HCN1: variants seen among roughly 807,000 people sequenced by gnomAD.
The protein encoded by HCN1 is potassium/sodium hyperpolarization-activated cyclic nucleotide-gated channel 1.
HCN1 carries 13 observed loss-of-function variants against 78.9 expected under a neutral mutation model. The ratio of observed to expected loss-of-function variants is 0.16; its 90% confidence interval spans 0.11 to 0.26. The LOEUF is 0.26. Ranked by LOEUF, HCN1 falls within the 10% of genes least tolerant of loss-of-function variation. The probability of loss-of-function intolerance (pLI) is 1.00; values close to 1 mark genes in which losing one functional copy is unlikely to be tolerated. For missense variants in HCN1, 810 were observed against 1,154.3 expected (o/e 0.70, Z 4.32); for synonymous variants, 552 against 455.5 (o/e 1.21, Z -2.70).
intron 4 of HCN1, among the ~76,000 whole-genome samples, chr5:45,377,006 G>C (rs756265452): frequency 1.2e-4 from 18 of 151,900 alleles, no homozygotes; most frequent in Non-Finnish European, 1.9e-4. Flanking sequence ...GAGAAAACTT[G>C]GAATGCTATC....
At chr5:45,318,612 G>GAA (rs907176551) in intron 5 of HCN1, among the ~76,000 whole-genome samples, 2 of 149,418 alleles carry the variant, frequency 1.3e-5, no homozygotes, top group African/African-American at 4.9e-5. Context: ...AATAAAAAAA[G>GAA]AAAAAAAAAG....
intron 1 of HCN1, among the ~76,000 whole-genome samples, chr5:45,666,482 C>T (rs1355010315): frequency 2.0e-5 from 3 of 151,998 alleles, no homozygotes; most frequent in Non-Finnish European, 4.4e-5. Context: ...ACAATATGTA[C>T]ATAATAAACC....
At position 45,347,655 on chromosome 5, in the gene HCN1, T is replaced by C. The variant is rs916511041; in HGVS notation, c.1377+5445A>G. Among the ~76,000 whole-genome samples, 11 of 151,868 alleles carry C rather than the reference T, an allele frequency of 7.2e-5. 1 individual carries two copies. The highest frequency in any genetic ancestry group is 6.2e-4 in the South Asian group (3 of 4,820). On this transcript the variant is annotated intron_variant, in intron 5 of 7. Coordinates refer to ENST00000303230, the MANE Select transcript of HCN1 (RefSeq NM_021072.4). ...GAATGTATAACTAGAATAACCAATA[T>C]AGAGAAGTGCTTAAAGGAGCTGATG... is the stretch of plus-strand genomic sequence containing the variant.
intron 2 of HCN1, among the ~76,000 whole-genome samples, chr5:45,507,497 G>C (rs566504062): frequency 1.2e-4 from 18 of 152,256 alleles, no homozygotes; most frequent in African/African-American, 4.1e-4. Flanking sequence ...GCTTCTTGTT[G>C]AGATTTTGTA....
intron 5 of HCN1, among the ~76,000 whole-genome samples, chr5:45,317,227 C>A (rs1230818224): frequency 1.3e-5 from 2 of 152,166 alleles, no homozygotes; most frequent in Middle Eastern, 3.4e-3. Flanking sequence ...AGATATAGAC[C>A]AATGGAACAG....
chr5:45,376,049 A>G (rs111217542), intron 4 of HCN1, among the ~76,000 whole-genome samples: 16 of 112,962 alleles, frequency 1.4e-4, no homozygotes, highest in Admixed American at 1.3e-3. Flanking sequence ...TTTATAATAT[A>G]TATTATATAC....
At chr5:45,372,515 CATATAAAAATATATAAAACATT>C (rs1747423314) in intron 4 of HCN1, among the ~76,000 whole-genome samples, 1 of 116,972 alleles carries the variant, frequency 8.5e-6, no homozygotes, top group Non-Finnish European at 1.7e-5. Flanking sequence ...AAAACATTTA[CATATAAAAATATATAAAACATT>C]TACATATAAA....
At chr5:45,434,187 T>C (rs1338408227) in intron 3 of HCN1, among the ~76,000 whole-genome samples, 1 of 152,218 alleles carries the variant, frequency 6.6e-6, no homozygotes, top group Non-Finnish European at 1.5e-5. Context: ...ACTTAATATC[T>C]GAGTCTTCTG....
chr5:45,360,780 C>A (rs941601179), intron 4 of HCN1, among the ~76,000 whole-genome samples: 1 of 151,868 alleles, frequency 6.6e-6, no homozygotes, highest in Non-Finnish European at 1.5e-5. Flanking sequence ...TGGGAAAAAA[C>A]TAAAGGAAAA....
chr5:45,683,793 C>T (rs570689750), intron 1 of HCN1, among the ~76,000 whole-genome samples: 1 of 151,998 alleles, frequency 6.6e-6, no homozygotes, highest in Non-Finnish European at 1.5e-5. Flanking sequence ...ACCCCAGCCT[C>T]CCAAGTTGCT....
At chr5:45,595,696 G>A (rs986528026) in intron 2 of HCN1, among the ~76,000 whole-genome samples, 1 of 151,614 alleles carries the variant, frequency 6.6e-6, no homozygotes, top group African/African-American at 2.4e-5. Context: ...TCCCCTTAAG[G>A]AGCTATATGA....
At chr5:45,392,780 C>T (rs1365587521) in intron 4 of HCN1, among the ~76,000 whole-genome samples, 7 of 150,058 alleles carry the variant, frequency 4.7e-5, no homozygotes, top group Admixed American at 6.6e-5. Context: ...AGCGAGACTC[C>T]ATCTCAAAGA....
intron 2 of HCN1, among the ~76,000 whole-genome samples, chr5:45,597,225 C>T (rs1744520074): frequency 6.6e-6 from 1 of 152,182 alleles, no homozygotes; most frequent in African/African-American, 2.4e-5. Flanking sequence ...CCACCACGAT[C>T]AAGTCAACTT....
At chr5:45,412,349 G>T (rs1382600251) in intron 3 of HCN1, among the ~76,000 whole-genome samples, 1 of 152,052 alleles carries the variant, frequency 6.6e-6, no homozygotes, top group Non-Finnish European at 1.5e-5. Flanking sequence ...TGGCCTAGAA[G>T]AAGTGTAGCA....
intron 2 of HCN1, among the ~76,000 whole-genome samples, chr5:45,529,324 A>G (rs549114844): frequency 6.6e-6 from 1 of 152,092 alleles, no homozygotes; most frequent in East Asian, 1.9e-4. Context: ...AATTAGGTAA[A>G]TAATAAATAA....
chr5:45,584,959 A>C (rs1744176898), intron 2 of HCN1, among the ~76,000 whole-genome samples: 1 of 152,178 alleles, frequency 6.6e-6, no homozygotes, highest in African/African-American at 2.4e-5. Flanking sequence ...GGCTGCCCTT[A>C]ACATTTTTCC....
chr5:45,686,296 C>T lies in HCN1; in HGVS notation c.425+9373G>A, dbSNP rs146424798. Among the ~76,000 whole-genome samples, 784 of 151,912 alleles carry T rather than the reference C, an allele frequency of 5.2e-3. 8 individuals are homozygous for T. Among genetic ancestry groups the T allele is most frequent in the African/African-American group, 0.017 (698 of 41,430 alleles). On this transcript the variant is annotated intron_variant, in intron 1 of 7. Transcript: ENST00000303230. ...ATAAGGAGAACATATAAGCCTCTCC[C>T]TTTTCCTTTTACCCTACATATCACT...
At chr5:45,348,224 A>T (rs1293307584) in intron 5 of HCN1, among the ~76,000 whole-genome samples, 4 of 152,234 alleles carry the variant, frequency 2.6e-5, no homozygotes, top group African/African-American at 9.6e-5. Context: ...AAGTTCTTAA[A>T]GAAAAGAATT....
At chr5:45,410,326 T>C (rs754876401) in intron 3 of HCN1, among the ~76,000 whole-genome samples, 7 of 151,994 alleles carry the variant, frequency 4.6e-5, no homozygotes, top group Admixed American at 6.6e-5. Context: ...AATCTAATTA[T>C]TATTGTAATC....
Sources: allele counts gnomAD v4.1 joint callset (sites outside exome capture counted in the v4.1 genomes callset), GRCh38; gene constraint gnomAD v4.1.1; transcripts MANE v1.5; gene names NCBI Gene and HGNC (gene_info 2026-07-23, HGNC 2026-07-21).